The following PTPRM variants were observed in gnomAD, a reference collection of about 807,000 sequenced individuals.
PTPRM encodes the protein protein tyrosine phosphatase receptor type M, also known as receptor-type tyrosine-protein phosphatase mu.
PTPRM carries 47 observed loss-of-function variants against 186.7 expected under a neutral mutation model. The ratio of observed to expected loss-of-function variants is 0.25; its 90% CI spans 0.20 to 0.32. The LOEUF (loss-of-function observed/expected upper bound fraction) is 0.32, where lower values mean the gene tolerates loss of function less well. PTPRM is among the 10% of genes least tolerant of loss of function. The pLI, the probability that PTPRM is intolerant of heterozygous loss-of-function variation, is 1.00. For synonymous variants in PTPRM, 668 were observed against 674.9 expected (o/e 0.99, Z 0.16); for missense variants, 1,494 against 1,865.0 (o/e 0.80, Z 3.66).
intron 2 of PTPRM, among the ~76,000 whole-genome samples, chr18:7,813,547 C>T (rs2044643247): frequency 6.6e-6 from 1 of 152,182 alleles, no homozygotes; most frequent in African/African-American, 2.4e-5. Context: ...GACCCCCTTC[C>T]TATTCATCCT....
chr18:7,779,870 G>A (rs549253520), intron 2 of PTPRM, among the ~76,000 whole-genome samples: 3 of 152,294 alleles, frequency 2.0e-5, no homozygotes, highest in African/African-American at 7.2e-5. Flanking sequence ...TTCACCGAGT[G>A]AAACAAATAA....
intron 22 of PTPRM, among the ~76,000 whole-genome samples, chr18:8,329,926 G>A (rs1225974253): frequency 6.6e-6 from 1 of 151,988 alleles, no homozygotes; most frequent in African/African-American, 2.4e-5. Context: ...AGCCTCCTGA[G>A]TAGCTAGAAC....
At chr18:8,131,655 T>G (rs2092511597) in intron 13 of PTPRM, among the ~76,000 whole-genome samples, 1 of 152,172 alleles carries the variant, frequency 6.6e-6, no homozygotes, top group African/African-American at 2.4e-5. Context: ...GGGATGCACT[T>G]TAATAGAACT....
At chr18:7,712,713 C>T (rs769498106) in intron 1 of PTPRM, among the ~76,000 whole-genome samples, 23 of 151,726 alleles carry the variant, frequency 1.5e-4, no homozygotes, top group South Asian at 8.3e-4. Context: ...ACGAGAACTT[C>T]GTGAAGCATA....
intron 7 of PTPRM, among the ~76,000 whole-genome samples, chr18:7,999,831 T>C (rs977167524): frequency 6.6e-6 from 1 of 152,056 alleles, no homozygotes; most frequent in Non-Finnish European, 1.5e-5. Context: ...AGATTTATTA[T>C]AAGGAATTGG....
intron 4 of PTPRM, among the ~76,000 whole-genome samples, chr18:7,919,514 G>A (rs12958813): frequency 0.39 from 58,763 of 151,974 alleles, 14,210 homozygotes; most frequent in Non-Finnish European, 0.53. Flanking sequence ...ACGTATTTGC[G>A]TATTTACTGA....
chr18:7,801,210 C>G (rs2043948875), intron 2 of PTPRM, among the ~76,000 whole-genome samples: 1 of 140,812 alleles, frequency 7.1e-6, no homozygotes, highest in African/African-American at 2.5e-5. Flanking sequence ...TGTAATAACA[C>G]TTAGCTTAAA....
At chr18:7,696,694 A>C (rs1054285514) in intron 1 of PTPRM, among the ~76,000 whole-genome samples, 2 of 152,242 alleles carry the variant, frequency 1.3e-5, no homozygotes, top group Non-Finnish European at 2.9e-5. Context: ...CAACAGGTAC[A>C]CTGAACCACT....
intron 22 of PTPRM, among the ~76,000 whole-genome samples, chr18:8,334,375 G>A (rs1284924200): frequency 6.6e-6 from 1 of 152,184 alleles, no homozygotes; most frequent in Non-Finnish European, 1.5e-5. Context: ...GCCCACCTGA[G>A]CCTCATTGCC....
At chr18:8,216,128 T>A (rs1005034) in intron 14 of PTPRM, among the ~76,000 whole-genome samples, 2 of 151,904 alleles carry the variant, frequency 1.3e-5, no homozygotes, top group African/African-American at 2.4e-5. Flanking sequence ...TTTTTTATTT[T>A]TTCCCTTCTT....
Position 8,344,474 on chromosome 18 carries a change from A to ATATATATATATATATATCTC in PTPRM, c.3054+955_3054+956insATATATATATATATATCTCT, listed in dbSNP as rs1318982857. On this transcript the variant is annotated intron_variant, in intron 23 of 32. Transcript: ENST00000580170. ...TATATATATATATATATATATATAT[A>ATATATATATATATATATCTC]TCTAGCAAAAATGGCACATTAACCT... 5.7e-4 allele frequency among the ~76,000 whole-genome samples: 84 copies of ATATATATATATATATATCTC among 147,274 alleles called. 1 individual carries two copies. The highest frequency in any genetic ancestry group is 2.1e-3 in the African/African-American group (83 of 38,666).
intron 1 of PTPRM, among the ~76,000 whole-genome samples, chr18:7,624,946 A>G (rs1202313376): frequency 6.6e-6 from 1 of 152,150 alleles, no homozygotes; most frequent in Non-Finnish European, 1.5e-5. Flanking sequence ...TAATGTGTGT[A>G]TCAGCTGCTG....
chr18:7,794,498 T>TGTGAGG (rs1568139320), intron 2 of PTPRM, among the ~76,000 whole-genome samples: 2 of 152,240 alleles, frequency 1.3e-5, no homozygotes, highest in African/African-American at 4.8e-5. Context: ...TATGTCGTGG[T>TGTGAGG]GTGAGGGTGA....
At chr18:7,878,414 T>G (rs1174316822) in intron 2 of PTPRM, among the ~76,000 whole-genome samples, 1 of 152,234 alleles carries the variant, frequency 6.6e-6, no homozygotes, top group Non-Finnish European at 1.5e-5. Context: ...TGCATGACTC[T>G]GGTTTCTGAC....
intron 1 of PTPRM, among the ~76,000 whole-genome samples, chr18:7,651,556 A>G (rs1332563755): frequency 2.0e-5 from 3 of 152,106 alleles, no homozygotes; most frequent in South Asian, 4.1e-4. Context: ...AAACAGAGAT[A>G]TAGATCAATG....
chr18:8,284,590 TA>T (rs376336050), intron 19 of PTPRM, among the ~76,000 whole-genome samples: 8,440 of 149,808 alleles, frequency 0.056, 386 homozygotes, highest in Non-Finnish European at 0.081. Context: ...TACTAAAAAT[TA>T]AAAAAAAAAT....
At chr18:7,727,205 C>G (rs1289211658) in intron 1 of PTPRM, among the ~76,000 whole-genome samples, 1 of 151,894 alleles carries the variant, frequency 6.6e-6, no homozygotes, top group East Asian at 1.9e-4. Context: ...AATGGAGGGT[C>G]CATGACTGAG....
At chr18:7,604,378 C>G (rs2037479489) in intron 1 of PTPRM, among the ~76,000 whole-genome samples, 1 of 152,190 alleles carries the variant, frequency 6.6e-6, no homozygotes. Flanking sequence ...ACACAAACAT[C>G]AACAACGAAA....
At chr18:8,002,999 G>A (rs1287940972) in intron 7 of PTPRM, among the ~76,000 whole-genome samples, 1 of 152,128 alleles carries the variant, frequency 6.6e-6, no homozygotes, top group Admixed American at 6.5e-5. Context: ...GGACCAAAAA[G>A]ATGAAATATA....
Sources: allele counts gnomAD v4.1 joint callset (sites outside exome capture counted in the v4.1 genomes callset), GRCh38; gene constraint gnomAD v4.1.1; transcripts MANE v1.5; gene names NCBI Gene and HGNC (gene_info 2026-07-23, HGNC 2026-07-21).